The following DAB1 variants were observed in gnomAD, a reference collection of about 807,000 sequenced individuals.
The protein encoded by DAB1 is DAB adaptor protein 1, also known as disabled homolog 1.
Under a neutral mutation model 64.6 loss-of-function variants are expected in DAB1, and 15 were observed. That is an observed-to-expected ratio of 0.23 (90% CI 0.16 to 0.36). The LOEUF (loss-of-function observed/expected upper bound fraction) is 0.36. Ranked by LOEUF, DAB1 falls within the 10% of genes least tolerant of loss-of-function variation. The pLI is 1.00. For missense variants in DAB1, 596 were observed against 706.7 expected (o/e 0.84, Z 1.78); for synonymous variants, 235 against 251.9 (o/e 0.93, Z 0.64).
At chr1:57,532,667 G>A (rs1003439778) in intron 7 of DAB1, among the ~76,000 whole-genome samples, 1 of 152,188 alleles carries the variant, frequency 6.6e-6, no homozygotes, top group Non-Finnish European at 1.5e-5. Flanking sequence ...GCATAGCAGA[G>A]TGAGAGCACA....
rs115317855 is a variant in DAB1 at position 57,261,598 on chromosome 1, T to C, written c.67+29366A>G. 2.1e-3 allele frequency among the ~76,000 whole-genome samples: 326 copies of C among 152,202 alleles called. 1 individual carries two copies. Among genetic ancestry groups the C allele is most frequent in the African/African-American group, 7.5e-3 (310 of 41,526 alleles). On this transcript the variant is annotated intron_variant, in intron 2 of 14. Coordinates refer to ENST00000371236, the MANE Select transcript of DAB1 (RefSeq NM_001365792.1). ...AGCATGAACCAGACCTACTTCTCCATAGAGTGTGACAGAGAAGGGAGGAAA... is the reference window on the plus strand; with the variant it reads ...AGCATGAACCAGACCTACTTCTCCACAGAGTGTGACAGAGAAGGGAGGAAA...
rs533030200 is a variant in DAB1, at chr1:57,093,472, C to T, written c.307-21058G>A. Among the ~76,000 whole-genome samples the T allele has an allele frequency of 3.4e-3, 514 of 152,016 alleles. 4 individuals are homozygous for T. Among genetic ancestry groups the T allele is most frequent in the African/African-American group, 0.012 (490 of 41,412 alleles). ...ACTTATCTACCCTGCAATGTGAGGT[C>T]GCAAAGCCTTAGTTTCTTCATCTAA... On this transcript the variant is annotated intron_variant, in intron 4 of 14. Coordinates refer to ENST00000371236, the MANE Select transcript of DAB1 (RefSeq NM_001365792.1).
At chr1:57,640,208 A>AGTT (rs1646111568) in intron 7 of DAB1, among the ~76,000 whole-genome samples, 1 of 152,166 alleles carries the variant, frequency 6.6e-6, no homozygotes, top group African/African-American at 2.4e-5. Context: ...CCAAAAAGGA[A>AGTT]GTTGAAATAG....
intron 5 of DAB1, among the ~76,000 whole-genome samples, chr1:58,064,878 A>T (rs1648753713): frequency 6.6e-6 from 1 of 151,762 alleles, no homozygotes; most frequent in African/African-American, 2.4e-5. Context: ...GCCCGCCACC[A>T]CGCCCGGCTA....
intron 5 of DAB1, among the ~76,000 whole-genome samples, chr1:57,965,380 C>T (rs1057017068): frequency 4.6e-5 from 7 of 152,118 alleles, no homozygotes; most frequent in Non-Finnish European, 1.0e-4. Context: ...TGTGCTTTGC[C>T]ACCTCATAGG....
At chr1:57,850,767 A>G (rs1653486254) in intron 1 of DAB1, among the ~76,000 whole-genome samples, 1 of 152,182 alleles carries the variant, frequency 6.6e-6, no homozygotes, top group Non-Finnish European at 1.5e-5. Context: ...TTGCCTTCCA[A>G]CATCATTTTT....
intron 7 of DAB1, among the ~76,000 whole-genome samples, chr1:57,551,190 G>A (rs17096843): frequency 0.024 from 3,601 of 152,278 alleles, 146 homozygotes; most frequent in African/African-American, 0.082. Flanking sequence ...CACGGGCACT[G>A]TGGAATGAAG....
chr1:57,447,649 C>T (rs1686193070), intron 7 of DAB1, among the ~76,000 whole-genome samples: 1 of 152,144 alleles, frequency 6.6e-6, no homozygotes, highest in Non-Finnish European at 1.5e-5. Flanking sequence ...TATACCATGC[C>T]TTTGTTTCAA....
At chr1:58,491,312 G>T (rs1189512273) in intron 3 of DAB1, among the ~76,000 whole-genome samples, 9 of 152,130 alleles carry the variant, frequency 5.9e-5, no homozygotes, top group Admixed American at 4.6e-4. Context: ...GCAAAAACAT[G>T]CCAAATTGTA....
intron 6 of DAB1, among the ~76,000 whole-genome samples, chr1:57,713,984 TA>T (rs1411360494): frequency 1.3e-5 from 2 of 152,288 alleles, no homozygotes; most frequent in African/African-American, 4.8e-5. Context: ...AAGCACCTGT[TA>T]TATGTCAGGC....
intron 6 of DAB1, among the ~76,000 whole-genome samples, chr1:57,672,838 C>T (rs530645635): frequency 2.6e-5 from 4 of 152,134 alleles, no homozygotes; most frequent in Non-Finnish European, 5.9e-5. Context: ...TCCAAAAGAA[C>T]ATGGACCACA....
At chr1:57,058,634 T>C (rs1650071767) in intron 9 of DAB1, among the ~76,000 whole-genome samples, 1 of 152,198 alleles carries the variant, frequency 6.6e-6, no homozygotes, top group African/African-American at 2.4e-5. Flanking sequence ...ATTGCTAATG[T>C]ACACTGAGTG....
At chr1:58,339,438 T>C (rs1194092791) in intron 4 of DAB1, among the ~76,000 whole-genome samples, 2 of 152,150 alleles carry the variant, frequency 1.3e-5, no homozygotes, top group Admixed American at 1.3e-4. Context: ...ATAATAAATA[T>C]TTTTCATATT....
chr1:57,259,782 G>C (rs1670043802), intron 2 of DAB1, among the ~76,000 whole-genome samples: 1 of 152,298 alleles, frequency 6.6e-6, no homozygotes, highest in Middle Eastern at 3.4e-3. Flanking sequence ...CTGAGCTTCT[G>C]CAACCCTGAC....
chr1:57,079,700 A>G (rs925178894), intron 4 of DAB1, among the ~76,000 whole-genome samples: 2 of 152,128 alleles, frequency 1.3e-5, no homozygotes, highest in Non-Finnish European at 1.5e-5. Context: ...TTGGTGTTTT[A>G]CAGTCTCTCA....
chr1:58,471,851 C>T (rs1645363257), intron 3 of DAB1, among the ~76,000 whole-genome samples: 1 of 152,176 alleles, frequency 6.6e-6, no homozygotes, highest in African/African-American at 2.4e-5. Context: ...GCTGATGCCA[C>T]CATGCTTCCT....
At chr1:57,755,906 C>T (rs945543227) in intron 6 of DAB1, among the ~76,000 whole-genome samples, 22 of 152,088 alleles carry the variant, frequency 1.4e-4, no homozygotes, top group African/African-American at 5.3e-4. Flanking sequence ...ATTGCATAGG[C>T]CTTACTTAAA....
intron 7 of DAB1, among the ~76,000 whole-genome samples, chr1:57,585,228 G>A (rs998959339): frequency 3.0e-5 from 4 of 132,262 alleles, no homozygotes; most frequent in Non-Finnish European, 4.6e-5. Flanking sequence ...CAGCCTGGGC[G>A]ACAGGATGAG....
intron 3 of DAB1, chr1:58,480,846 C>T: frequency 1.6e-6 from 1 of 637,436 alleles, no homozygotes; most frequent in South Asian, 2.3e-5. Flanking sequence ...CTGTAATGTA[C>T]ATGATTTGAC....
Sources: gnomAD v4.1 joint callset for allele counts (sites outside exome capture counted in the v4.1 genomes callset) on GRCh38, gnomAD v4.1.1 for gene constraint, MANE v1.5 for transcripts, NCBI Gene and HGNC (gene_info 2026-07-23, HGNC 2026-07-21) for gene names.